SLC14A2: variants seen among roughly 807,000 people sequenced by gnomAD.
SLC14A2 encodes urea transporter 2.
A neutral mutation model predicts 104.6 loss-of-function variants in SLC14A2; 91 were observed. The observed-to-expected ratio is 0.87, with a 90% CI of 0.73 to 1.04. The LOEUF is 1.04. SLC14A2 is among the 50% of genes least tolerant of loss of function. SLC14A2 has a pLI of 0.00. For synonymous variants in SLC14A2, 476 were observed against 466.4 expected, an observed-to-expected ratio of 1.02 and a Z score of -0.27; for missense variants, 1,189 against 1,156.0, an observed-to-expected ratio of 1.03 and a Z score of -0.41.
In SLC14A2 at chr18:45,277,839, A is replaced by G. The variant is rs369106137; in HGVS notation, c.-125+64648A>G. On this transcript the variant is annotated intron_variant, in intron 1 of 20. Coordinates refer to the SLC14A2 transcript ENST00000586448. ...TGTGCAGAGAACAAAAAGTTTCTGT[A>G]CTTTATTTTCTGTTCTAAAGGGGTT... 2.2e-4 allele frequency among the ~76,000 whole-genome samples: 33 copies of G among 152,226 alleles called. 1 individual carries two copies. Among genetic ancestry groups the G allele is most frequent in the African/African-American group, 8.0e-4 (33 of 41,468 alleles).
intron 1 of SLC14A2, among the ~76,000 whole-genome samples, chr18:45,355,445 G>A (rs1022929964): frequency 6.6e-6 from 1 of 151,828 alleles, no homozygotes; most frequent in East Asian, 1.9e-4. Flanking sequence ...AGGCATGGTG[G>A]TGTGTGCCTG....
At chr18:45,477,937 C>T (rs1303659452) in intron 1 of SLC14A2, among the ~76,000 whole-genome samples, 8 of 152,170 alleles carry the variant, frequency 5.3e-5, no homozygotes, top group East Asian at 3.9e-4. Flanking sequence ...GGGTGGGATC[C>T]GCTGACCTAG....
At chr18:45,386,195 T>G (rs899285638) in intron 1 of SLC14A2, among the ~76,000 whole-genome samples, 1 of 152,152 alleles carries the variant, frequency 6.6e-6, no homozygotes, top group Non-Finnish European at 1.5e-5. Flanking sequence ...AGAAGCTACA[T>G]CTGTCTAGCT....
intron 2 of SLC14A2, among the ~76,000 whole-genome samples, chr18:45,487,615 G>T (rs556369366): frequency 3.3e-5 from 5 of 152,230 alleles, no homozygotes; most frequent in African/African-American, 1.2e-4. Flanking sequence ...TGAGATGAAG[G>T]TGTGTGTGTT....
At chr18:45,458,271 G>C (rs1015226175) in intron 1 of SLC14A2, among the ~76,000 whole-genome samples, 1 of 152,158 alleles carries the variant, frequency 6.6e-6, no homozygotes, top group East Asian at 1.9e-4. Context: ...AAAGCATCTC[G>C]TAAGTCCTGG....
intron 1 of SLC14A2, among the ~76,000 whole-genome samples, chr18:45,319,840 T>C (rs2085167377): frequency 6.6e-6 from 1 of 152,238 alleles, no homozygotes. Flanking sequence ...TATTGTTTTT[T>C]TCCAGAAATG....
intron 2 of SLC14A2, among the ~76,000 whole-genome samples, chr18:45,572,146 G>GGTCA (rs991353735): frequency 6.6e-6 from 1 of 152,188 alleles, no homozygotes; most frequent in African/African-American, 2.4e-5. Flanking sequence ...TTTGTGATTA[G>GGTCA]GTCAGTCTTT....
chr18:45,357,336 G>T (rs1214460492), intron 1 of SLC14A2, among the ~76,000 whole-genome samples: 2 of 151,464 alleles, frequency 1.3e-5, no homozygotes, highest in African/African-American at 4.9e-5. Context: ...AAGAGGCCAG[G>T]CATGGTGGCT....
intron 1 of SLC14A2, among the ~76,000 whole-genome samples, chr18:45,375,168 G>T (rs956885549): frequency 5.3e-5 from 8 of 152,188 alleles, no homozygotes; most frequent in African/African-American, 1.9e-4. Context: ...TTAAAACAAA[G>T]ACAATAACAG....
At chr18:45,305,834 T>C (rs1160108870) in intron 1 of SLC14A2, among the ~76,000 whole-genome samples, 1 of 152,196 alleles carries the variant, frequency 6.6e-6, no homozygotes, top group East Asian at 1.9e-4. Flanking sequence ...GCTATAATAT[T>C]TTGGCTCATT....
chr18:45,307,190 G>A (rs1349422507), intron 1 of SLC14A2, among the ~76,000 whole-genome samples: 1 of 151,980 alleles, frequency 6.6e-6, no homozygotes, highest in Admixed American at 6.6e-5. Flanking sequence ...GCCAAGGCGG[G>A]CAGATCACTT....
At chr18:45,462,121 G>A (rs1350764031) in intron 1 of SLC14A2, among the ~76,000 whole-genome samples, 1 of 152,164 alleles carries the variant, frequency 6.6e-6, no homozygotes, top group Non-Finnish European at 1.5e-5. Context: ...CAATGTTTCT[G>A]TTTTCATAAT....
rs183619346 is a variant in SLC14A2 at position 45,269,026 on chromosome 18, G to T, written c.-125+55835G>T. On this transcript the variant is annotated intron_variant, in intron 1 of 20. Coordinates refer to the SLC14A2 transcript ENST00000586448. ...GGAGGAGGCATGGGTCACTAACAAT[G>T]ATCATTGACAGAAGGAGGGAAATCC... Among the ~76,000 whole-genome samples the T allele has an allele frequency of 4.0e-4, 61 of 151,364 alleles. No individual in the cohort carries two copies. The East Asian group carries it at 0.011, about 28-fold the overall frequency.
At chr18:45,209,338 G>A (rs542755652), upstream of SLC14A2, among the ~76,000 whole-genome samples, 5 of 151,828 alleles carry the variant, frequency 3.3e-5, no homozygotes, top group Non-Finnish European at 4.4e-5. Flanking sequence ...GTGAGACTCC[G>A]TCTCAAAACA....
intron 2 of SLC14A2, among the ~76,000 whole-genome samples, chr18:45,523,045 G>A (rs1307479481): frequency 6.6e-6 from 1 of 152,188 alleles, no homozygotes; most frequent in Non-Finnish European, 1.5e-5. Flanking sequence ...GACCCCATAA[G>A]TGGTCTACGG....
At chr18:45,414,702 T>A (rs983654645) in intron 1 of SLC14A2, among the ~76,000 whole-genome samples, 3 of 141,986 alleles carry the variant, frequency 2.1e-5, no homozygotes, top group Middle Eastern at 3.6e-3. Flanking sequence ...TAGGATACAG[T>A]GGGCCTTTTC....
intron 1 of SLC14A2, among the ~76,000 whole-genome samples, chr18:45,355,600 A>AAAAAG: frequency 6.7e-6 from 1 of 148,814 alleles, no homozygotes. Flanking sequence ...AAAAAAAAAA[A>AAAAAG]CCCTGATTTT....
At chr18:45,561,294 T>C (rs2044198202) in intron 2 of SLC14A2, among the ~76,000 whole-genome samples, 2 of 152,174 alleles carry the variant, frequency 1.3e-5, no homozygotes, top group Admixed American at 1.3e-4. Flanking sequence ...GAAGAAGGCC[T>C]TGGGACTTTG....
chr18:45,428,599 C>G (rs141887518), intron 1 of SLC14A2, among the ~76,000 whole-genome samples: 2 of 152,116 alleles, frequency 1.3e-5, no homozygotes, highest in South Asian at 2.1e-4. Flanking sequence ...GCACATACCC[C>G]ACTAGTTGGT....
Sources: allele counts gnomAD v4.1 joint callset (sites outside exome capture counted in the v4.1 genomes callset), GRCh38; gene constraint gnomAD v4.1.1; transcripts MANE v1.5; gene names NCBI Gene and HGNC (gene_info 2026-07-23, HGNC 2026-07-21).